The following ARHGAP42 variants were observed in gnomAD, a reference collection of about 807,000 sequenced individuals.
ARHGAP42 encodes Rho GTPase activating protein 42.
Under a neutral mutation model 125.0 loss-of-function variants are expected in ARHGAP42, and 63 were observed. The ratio of observed to expected loss-of-function variants is 0.50; its 90% confidence interval spans 0.41 to 0.62. ARHGAP42 has a LOEUF of 0.62. Among genes scored for constraint, ARHGAP42 ranks in the 20% least tolerant of loss-of-function variants. The probability of loss-of-function intolerance (pLI) is 0.00; values close to 1 mark genes in which losing one functional copy is unlikely to be tolerated. For synonymous variants in ARHGAP42, 339 were observed against 351.0 expected (o/e 0.97, Z 0.38); for missense variants, 766 against 1,024.2 (o/e 0.75, Z 3.44).
chr11:100,808,490 C>T, intron 3 of ARHGAP42, among the ~76,000 whole-genome samples: 1 of 149,440 alleles, frequency 6.7e-6, no homozygotes, highest in Non-Finnish European at 1.5e-5. Flanking sequence ...ACTGCAAGCT[C>T]CGCTTCCCGG....
intron 4 of ARHGAP42, among the ~76,000 whole-genome samples, chr11:100,898,551 C>A (rs547003587): frequency 4.1e-4 from 62 of 152,248 alleles, no homozygotes; most frequent in African/African-American, 1.5e-3. Context: ...GATTCATCTT[C>A]TTCCTGGTTT....
At chr11:100,697,577 T>G (rs888931106) in intron 1 of ARHGAP42, among the ~76,000 whole-genome samples, 2 of 152,206 alleles carry the variant, frequency 1.3e-5, no homozygotes, top group African/African-American at 4.8e-5. Context: ...AGTGTTCCCT[T>G]GTGTGTAAAT....
At chr11:100,723,388 C>T (rs1861799584) in intron 1 of ARHGAP42, among the ~76,000 whole-genome samples, 1 of 152,214 alleles carries the variant, frequency 6.6e-6, no homozygotes, top group Non-Finnish European at 1.5e-5. Flanking sequence ...ACCTTGACAA[C>T]ATTAAGTCTT....
intron 4 of ARHGAP42, among the ~76,000 whole-genome samples, chr11:100,904,995 T>G (rs564458013): frequency 1.3e-5 from 2 of 152,346 alleles, no homozygotes; most frequent in African/African-American, 4.8e-5. Context: ...AAGCTCAAGT[T>G]AATGAATGAA....
At chr11:100,734,906 G>A (rs370304110) in intron 1 of ARHGAP42, among the ~76,000 whole-genome samples, 4 of 151,874 alleles carry the variant, frequency 2.6e-5, no homozygotes, top group East Asian at 3.9e-4. Flanking sequence ...TGTTAAGTTC[G>A]TCAGTATACA....
intron 3 of ARHGAP42, among the ~76,000 whole-genome samples, chr11:100,811,582 T>TC (rs1397623132): frequency 2.7e-5 from 4 of 150,754 alleles, no homozygotes; most frequent in African/African-American, 9.8e-5. Context: ...TCGGCTCACT[T>TC]CAACTCCCCC....
intron 1 of ARHGAP42, among the ~76,000 whole-genome samples, chr11:100,763,367 A>G (rs1862755113): frequency 6.6e-6 from 1 of 152,120 alleles, no homozygotes; most frequent in South Asian, 2.1e-4. Flanking sequence ...TCTGCTTTCT[A>G]TTAGGCACTA....
rs755749939 is a variant in ARHGAP42 at position 100,992,435 on chromosome 11, A to G, written c.*3634A>G. On this transcript the variant is annotated 3_prime_UTR_variant, in exon 24 of 24. Coordinates refer to ENST00000298815, the MANE Select transcript of ARHGAP42 (RefSeq NM_152432.4). ...GACTAAAGGTTTCCCCTTAGGGTAC[A>G]CATTGCTATTTAACTTTGCCTCCTA... 1.2e-6 allele frequency: 2 copies of G among 1,614,142 alleles called. No individual in the cohort carries two copies. Among genetic ancestry groups the G allele is most frequent in the Non-Finnish European group, 1.7e-6 (2 of 1,179,976 alleles).
At chr11:100,980,559 CTTTTTTTTTT>C (rs763302463) in intron 22 of ARHGAP42, among the ~76,000 whole-genome samples, 8,317 of 52,026 alleles carry the variant, frequency 0.16, 354 homozygotes, top group Non-Finnish European at 0.23. Context: ...TTTTCTTCTT[CTTTTTTTTTT>C]TTTTTTTTTT....
intron 23 of ARHGAP42, among the ~76,000 whole-genome samples, chr11:100,988,095 T>C (rs1354570816): frequency 1.3e-5 from 2 of 152,134 alleles, no homozygotes; most frequent in African/African-American, 4.8e-5. Flanking sequence ...ACCACTGCAC[T>C]CCAGCCTGGC....
At chr11:100,824,666 C>A (rs1864475215) in intron 3 of ARHGAP42, among the ~76,000 whole-genome samples, 1 of 152,146 alleles carries the variant, frequency 6.6e-6, no homozygotes, top group Non-Finnish European at 1.5e-5. Context: ...TCCTAATCAA[C>A]TATATATCAT....
chr11:100,844,686 T>C (rs1413411548), intron 3 of ARHGAP42, among the ~76,000 whole-genome samples: 1 of 151,852 alleles, frequency 6.6e-6, no homozygotes. Context: ...AAGAAACATA[T>C]GAAAAAATCT....
chr11:100,724,475 GTTATTA>G (rs1374766075), intron 1 of ARHGAP42, among the ~76,000 whole-genome samples: 1 of 151,888 alleles, frequency 6.6e-6, no homozygotes, highest in African/African-American at 2.4e-5. Flanking sequence ...GAGGTTTTTA[GTTATTA>G]TTATTATTTT....
chr11:100,909,142 G>C (rs980234746), intron 4 of ARHGAP42, among the ~76,000 whole-genome samples: 1 of 151,958 alleles, frequency 6.6e-6, no homozygotes, highest in Non-Finnish European at 1.5e-5. Flanking sequence ...GCCCTTTGTT[G>C]GATGGATTGT....
At chr11:100,943,973 TA>T (rs1350866324) in intron 10 of ARHGAP42, 105 bp downstream of exon 10, 1 of 718,284 alleles carries the variant, frequency 1.4e-6, no homozygotes, top group Non-Finnish European at 2.2e-6. Context: ...TTTAGTCTTT[TA>T]AAAAACAGTA....
chr11:100,688,827 T>G (rs989612347), intron 1 of ARHGAP42, among the ~76,000 whole-genome samples: 2 of 152,210 alleles, frequency 1.3e-5, no homozygotes, highest in Admixed American at 6.5e-5. Context: ...GCTACTGAAA[T>G]GAAGCCGTGG....
At chr11:100,806,960 G>C (rs1864011183) in intron 3 of ARHGAP42, among the ~76,000 whole-genome samples, 1 of 151,670 alleles carries the variant, frequency 6.6e-6, no homozygotes, top group Admixed American at 6.6e-5. Flanking sequence ...TGATTCTTGT[G>C]CCTTGACCTC....
chr11:100,768,054 G>A (rs1862872894), intron 1 of ARHGAP42, among the ~76,000 whole-genome samples: 1 of 152,048 alleles, frequency 6.6e-6, no homozygotes, highest in Non-Finnish European at 1.5e-5. Context: ...TTGGACTTGG[G>A]GTTTCATGAA....
intron 1 of ARHGAP42, among the ~76,000 whole-genome samples, chr11:100,711,725 A>G (rs976094025): frequency 1.3e-5 from 2 of 152,222 alleles, no homozygotes; most frequent in African/African-American, 4.8e-5. Flanking sequence ...TATCTATGCA[A>G]TAAACAAGGG....
Sources: allele counts gnomAD v4.1 joint callset (sites outside exome capture counted in the v4.1 genomes callset), GRCh38; gene constraint gnomAD v4.1.1; transcripts MANE v1.5; gene names NCBI Gene and HGNC (gene_info 2026-07-23, HGNC 2026-07-21).